ZNF853: variants seen among roughly 807,000 people sequenced by gnomAD.
ZNF853 encodes the protein zinc finger protein 853.
ZNF853 carries 57 observed loss-of-function variants against 94.7 expected under a neutral mutation model. The observed-to-expected ratio is 0.60, with a 90% CI of 0.49 to 0.75. ZNF853 has a LOEUF of 0.75. Among genes scored for constraint, ZNF853 ranks in the 30% least tolerant of loss-of-function variants. The pLI, the probability that ZNF853 is intolerant of heterozygous loss-of-function variation, is 0.00. For synonymous variants in ZNF853, 448 were observed against 406.3 expected, an observed-to-expected ratio of 1.10 and a Z score of -1.23; for missense variants, 785 against 868.9, an observed-to-expected ratio of 0.90 and a Z score of 1.21.
At chr7:6,616,822 C>G in intron 1 of ZNF853, among the ~76,000 whole-genome samples, 42 of 152,052 alleles carry the variant, frequency 2.8e-4, no homozygotes, top group Non-Finnish European at 4.9e-4. Context: ...GGCCCCAGAG[C>G]TCCCCGCCCT....
rs747065612 is a variant in ZNF853 at position 6,621,250 on chromosome 7, C to G, written c.259C>G (p.Arg87Gly). The change falls in exon 3 of 3, where the codon CGA (arginine) becomes GGA (glycine). Residue 87 changes from arginine (R) to glycine (G), a missense_variant. Coordinates refer to ENST00000457543, the MANE Select transcript of ZNF853 (RefSeq NM_017560.3). ...CGCTGAGGAAACCCGGCCGGGACAA[C>G]GAGAGTTGCAACTGCAGCAGTTAGA... Reference protein sequence around the residue: ...EIAEETRPGQRELQLQQLEQQ... With the variant: ...EIAEETRPGQGELQLQQLEQQ... The G allele has an allele frequency of 6.5e-7, 1 of 1,549,020 alleles. No individual in the cohort carries two copies. The highest frequency in any genetic ancestry group is 8.7e-7 in the Non-Finnish European group (1 of 1,145,330).
chr7:6,622,344 C>A lies in ZNF853; in HGVS notation c.1353C>A (p.Ala451=). The A allele has an allele frequency of 6.9e-7, 1 of 1,459,754 alleles. No homozygotes were observed. The highest frequency in any genetic ancestry group is 2.7e-5 in the Admixed American group (1 of 37,530). The allele number at this position is 1,459,754 out of a possible 1,614,324, so 90.4% of individuals were successfully genotyped here. The change falls in exon 3 of 3, where the codon GCC becomes GCA. Residue 451 remains alanine, a synonymous_variant. Coordinates refer to ENST00000457543, the MANE Select transcript of ZNF853 (RefSeq NM_017560.3). The stretch of plus-strand genomic sequence containing the variant: ...TGCAGGAGCTCATGGTGCTGCCCGC[C>A]GTGGCAGCGCCGGCCGTGGTGGCCA... ...VVVQELMVLP[A]VAAPAVVAIP...
rs1049545705 is a variant in ZNF853, at chr7:6,623,097, C to CCATCAT, written c.*140_*145dup. The stretch of plus-strand genomic sequence containing the variant: ...ATATCCCTGGAGTAAAAGGCTTCCA[C>CCATCAT]CATCATCATCATCATCATCTTCCGG... On this transcript the variant is annotated 3_prime_UTR_variant, in exon 3 of 3. Coordinates refer to ENST00000457543, the MANE Select transcript of ZNF853 (RefSeq NM_017560.3). 6.7e-6 allele frequency: 5 copies of CCATCAT among 743,436 alleles called. No individual in the cohort carries two copies. The highest frequency in any genetic ancestry group is 1.8e-5 in the African/African-American group (1 of 55,118). 46.1% of individuals were successfully genotyped at this position (743,436 alleles called of 1,614,324 possible). A position where few individuals can be genotyped will look rare whatever the true frequency, so the allele number is the denominator to read the frequency against.
rs1034318135 is a variant in ZNF853, at chr7:6,616,054, G to T, written c.-121G>T. The T allele has an allele frequency of 7.3e-6, 7 of 963,716 alleles. No homozygotes were observed. The highest frequency in any genetic ancestry group is 5.1e-5 in the Admixed American group (2 of 39,216). 59.7% of individuals were successfully genotyped at this position (963,716 alleles called of 1,614,324 possible). ...CAGAAAGCCCCCGGGGTGGCCCTGC[G>T]CCTCCTGGCTCTTTCTGGATGGAGG... On this transcript the variant is annotated 5_prime_UTR_variant, in exon 1 of 3. Transcript: ENST00000457543.
rs779650987 is a variant in ZNF853, at chr7:6,622,683, C to G, written c.1692C>G (p.Thr564=). 1.3e-6 allele frequency: 2 copies of G among 1,577,214 alleles called. No homozygotes were observed. Among genetic ancestry groups the G allele is most frequent in the Non-Finnish European group, 1.7e-6 (2 of 1,163,134 alleles). The part of the protein sequence containing the change: ...SALVQHQRTH[T]GERPYACGDC... The stretch of plus-strand genomic sequence containing the variant: ...TCGTGCAGCACCAGCGCACGCACAC[C>G]GGGGAGCGACCCTACGCCTGCGGGG... The change falls in exon 3 of 3, where the codon ACC becomes ACG. Residue 564 remains threonine, a synonymous_variant. Transcript: ENST00000457543.
intron 1 of ZNF853, 136 bp downstream of exon 1, chr7:6,616,322 G>T: frequency 6.1e-6 from 5 of 820,314 alleles, no homozygotes; most frequent in South Asian, 4.3e-5. Context: ...TCTCAGGAGC[G>T]CCTGGGCACA....
rs1782611076 is a variant in ZNF853 at position 6,621,700 on chromosome 7, C to T, written c.709C>T (p.Gln237Ter). 1 of 1,551,178 alleles carries T rather than the reference C, an allele frequency of 6.4e-7. No homozygotes were observed. The highest frequency in any genetic ancestry group is 8.7e-7 in the Non-Finnish European group (1 of 1,147,002). ...TCAACAGCAGCAGGAACAGTTACAG[C>T]AGCAGCAGCAGCTACTATTGCTGCA... ...QFQQQQEQLQQQQQLLLLQQQ... is the reference protein window; with the variant it reads ...QFQQQQEQLQ The change falls in exon 3 of 3, where the codon CAG (glutamine) becomes TAG (stop). Residue 237 changes from glutamine (Q) to a stop codon, truncating the protein, a stop_gained. Coordinates refer to ENST00000457543, the MANE Select transcript of ZNF853 (RefSeq NM_017560.3). LOFTEE classifies it high-confidence loss of function.
chr7:6,622,243 G>C lies in ZNF853; in HGVS notation c.1252G>C (p.Ala418Pro). 1.3e-6 allele frequency: 2 copies of C among 1,523,668 alleles called. No homozygotes were observed. 94.4% of individuals were successfully genotyped at this position (1,523,668 alleles called of 1,614,324 possible). ...QPELQLELVP[A>P]AGGGGAAVPG... is the part of the protein sequence containing the mutation. Reference sequence around the variant, plus strand: ...GGAGCTGCAGCTGGAACTGGTGCCAGCCGCAGGGGGCGGCGGAGCGGCGGT... The same window carrying C: ...GGAGCTGCAGCTGGAACTGGTGCCACCCGCAGGGGGCGGCGGAGCGGCGGT... Residue 418 changes from alanine (A) to proline (P), a missense_variant, in exon 3 of 3, where the codon GCC (alanine) becomes CCC (proline). By Grantham distance (27) the Ala-to-Pro change is conservative. Coordinates refer to ENST00000457543, the MANE Select transcript of ZNF853 (RefSeq NM_017560.3).
chr7:6,620,061 C>A, intron 2 of ZNF853, among the ~76,000 whole-genome samples: 1 of 152,144 alleles, frequency 6.6e-6, no homozygotes, highest in African/African-American at 2.4e-5. Context: ...TATGCCAGGG[C>A]TCTCCTTGTT....
chr7:6,622,010 A>G lies in ZNF853; in HGVS notation c.1019A>G (p.Gln340Arg). ...GAGCAGGAGCTGGAGCAGCAGCGGC[A>G]GGAGTTGGAGCGGCAGCAGGAGCTG... ...GSEQELEQQR[Q>R]ELERQQELER... The change falls in exon 3 of 3, where the codon CAG becomes CGG. Residue 340 changes from glutamine to arginine, a missense_variant. Coordinates refer to ENST00000457543, the MANE Select transcript of ZNF853 (RefSeq NM_017560.3). 1 of 1,549,954 alleles carries G rather than the reference A, an allele frequency of 6.5e-7. No homozygotes were observed. The highest frequency in any genetic ancestry group is 8.7e-7 in the Non-Finnish European group (1 of 1,146,796).
Position 6,620,515 on chromosome 7 carries a change from G to A in ZNF853, c.131-607G>A. On this transcript the variant is annotated intron_variant, in intron 2 of 2. Coordinates refer to ENST00000457543, the MANE Select transcript of ZNF853 (RefSeq NM_017560.3). ...AAGGGAAGCTCCAAGGAGGGATCAG[G>A]GAGCTGGGGTCCAGAGGGAGGTCAC... is the stretch of plus-strand genomic sequence containing the variant. 1.1e-4 allele frequency among the ~76,000 whole-genome samples: 17 copies of A among 152,270 alleles called. No individual in the cohort carries two copies. In the South Asian group the frequency reaches 3.1e-3, roughly 28 times the overall value.
intron 2 of ZNF853, among the ~76,000 whole-genome samples, chr7:6,618,953 C>T: frequency 6.6e-5 from 10 of 151,654 alleles, no homozygotes; most frequent in Admixed American, 1.3e-4. Context: ...AGCACGCTCA[C>T]GGATCTGTTA....
Position 6,621,421 on chromosome 7 carries a change from C to A in ZNF853, c.430C>A (p.Gln144Lys). The A allele has an allele frequency of 6.4e-7, 1 of 1,551,750 alleles. No homozygotes were observed. The change falls in exon 3 of 3, where the codon CAG becomes AAG. Residue 144 changes from glutamine to lysine, a missense_variant. Gln to Lys is a moderately conservative substitution (Grantham distance 53, BLOSUM62 1). Transcript: ENST00000457543. ...QQEKHQSVHH[Q>K]ELKPELQLMH... ...GGAAAAACACCAATCCGTGCACCAT[C>A]AGGAACTGAAACCAGAACTGCAGCT...
At chr7:6,618,125 C>T in intron 2 of ZNF853, among the ~76,000 whole-genome samples, 1 of 151,686 alleles carries the variant, frequency 6.6e-6, no homozygotes, top group African/African-American at 2.4e-5. Flanking sequence ...CATGGTGAAA[C>T]ACTGTCTTTA....
At chr7:6,618,455 T>C in intron 2 of ZNF853, among the ~76,000 whole-genome samples, 1 of 152,094 alleles carries the variant, frequency 6.6e-6, no homozygotes, top group Non-Finnish European at 1.5e-5. Flanking sequence ...ACACCTGTAA[T>C]CCCAGCACTT....
At chr7:6,619,131 C>G in intron 2 of ZNF853, among the ~76,000 whole-genome samples, 4 of 148,152 alleles carry the variant, frequency 2.7e-5, no homozygotes, top group Non-Finnish European at 5.9e-5. Context: ...CCTCCACCTC[C>G]TGGGTTCAAG....
chr7:6,615,900 G>C lies in ZNF853; in HGVS notation c.-275G>C. On this transcript the variant is annotated 5_prime_UTR_variant, in exon 1 of 3. Coordinates refer to ENST00000457543, the MANE Select transcript of ZNF853 (RefSeq NM_017560.3). This position sits in a 1 kb window ranked among gnomAD's most constrained non-coding sequence, Gnocchi z 8.5. ...GCCCTGAGCCCCGCGCGGGATTCGGGGCCCTGCCTCCCGCCCCAGCCCCCG... is the reference window on the plus strand; with the variant it reads ...GCCCTGAGCCCCGCGCGGGATTCGGCGCCCTGCCTCCCGCCCCAGCCCCCG... 2.9e-6 allele frequency: 1 copy of C among 340,532 alleles called. No homozygotes were observed. Among genetic ancestry groups the C allele is most frequent in the South Asian group, 7.4e-5 (1 of 13,482 alleles). 21.1% of individuals were successfully genotyped at this position (340,532 alleles called of 1,614,324 possible). A position where few individuals can be genotyped will look rare whatever the true frequency, so the allele number is the denominator to read the frequency against.
Position 6,622,341 on chromosome 7 carries a change from C to T in ZNF853, c.1350C>T (p.Pro450=), listed in dbSNP as rs2115290476. 2.0e-6 allele frequency: 3 copies of T among 1,468,768 alleles called. No homozygotes were observed. Among genetic ancestry groups the T allele is most frequent in the East Asian group, 2.9e-5 (1 of 34,920 alleles). The allele number at this position is 1,468,768 out of a possible 1,614,324, so 91.0% of individuals were successfully genotyped here. ...TGGTGCAGGAGCTCATGGTGCTGCCCGCCGTGGCAGCGCCGGCCGTGGTGG... is the reference window on the plus strand; with the variant it reads ...TGGTGCAGGAGCTCATGGTGCTGCCTGCCGTGGCAGCGCCGGCCGTGGTGG... ...YVVVQELMVL[P]AVAAPAVVAI... is the part of the protein sequence containing the mutation. Residue 450 remains proline (P), a synonymous_variant, in exon 3 of 3, where the codon CCC becomes CCT. Transcript: ENST00000457543.
Position 6,616,203 on chromosome 7 carries a change from C to T in ZNF853, c.12+17C>T. ...CTCCACCAGGTGAGGCCCAGGGGGTCGTTGGCGCTGGGCAACCGGGGACGC... is the reference window on the plus strand; with the variant it reads ...CTCCACCAGGTGAGGCCCAGGGGGTTGTTGGCGCTGGGCAACCGGGGACGC... On this transcript the variant is annotated intron_variant, in intron 1 of 2. Coordinates refer to ENST00000457543, the MANE Select transcript of ZNF853 (RefSeq NM_017560.3). The T allele has an allele frequency of 1.7e-5, 26 of 1,547,418 alleles. No homozygotes were observed. The highest frequency in any genetic ancestry group is 1.6e-5 in the Non-Finnish European group (18 of 1,144,602).
Sources: allele counts gnomAD v4.1 joint callset (sites outside exome capture counted in the v4.1 genomes callset), GRCh38; gene constraint gnomAD v4.1.1; non-coding constraint Gnocchi (gnomAD v3.1); transcripts MANE v1.5; gene names NCBI Gene and HGNC (gene_info 2026-07-23, HGNC 2026-07-21).